The following BTLA variants were observed in gnomAD, a reference collection of about 807,000 sequenced individuals.
The protein encoded by BTLA is B and T lymphocyte associated, also known as B- and T-lymphocyte attenuator.
Under a neutral mutation model 25.0 loss-of-function variants are expected in BTLA, and 11 were observed. The observed-to-expected ratio is 0.44, with a 90% confidence interval of 0.28 to 0.73. BTLA has a LOEUF of 0.73. BTLA is among the 30% of genes least tolerant of loss of function. The pLI, the probability that BTLA is intolerant of heterozygous loss-of-function variation, is 0.15. For missense variants in BTLA, 282 were observed against 332.8 expected (o/e 0.85, Z 1.19); for synonymous variants, 104 against 119.8 (o/e 0.87, Z 0.86).
At chr3:112,478,359 T>TACA (rs766430075) in intron 2 of BTLA, among the ~76,000 whole-genome samples, 4 of 152,286 alleles carry the variant, frequency 2.6e-5, no homozygotes, top group Non-Finnish European at 4.4e-5. Flanking sequence ...GTTAAATTTG[T>TACA]ACTTAAATAT....
Position 112,466,398 on chromosome 3 carries a change from A to C in BTLA, c.595-15T>G, listed in dbSNP as rs1306918304. The stretch of plus-strand genomic sequence containing the variant: ...TGAGCATCAACCTACAATAGAAAAA[A>C]AGATGGTTTTAAGTGACACTTACGG... On this transcript the variant is annotated splice_polypyrimidine_tract_variant and intron_variant, in intron 4 of 4. Coordinates refer to ENST00000334529, the MANE Select transcript of BTLA (RefSeq NM_181780.4). 6.5e-7 allele frequency: 1 copy of C among 1,549,368 alleles called. No individual in the cohort carries two copies.
At chr3:112,487,933 A>G (rs1252435256) in intron 1 of BTLA, among the ~76,000 whole-genome samples, 2 of 152,154 alleles carry the variant, frequency 1.3e-5, no homozygotes, top group Non-Finnish European at 2.9e-5. Context: ...TCCTCTCATT[A>G]TCACAGTATA....
At chr3:112,469,530 G>A (rs1282154779) in intron 4 of BTLA, among the ~76,000 whole-genome samples, 1 of 150,196 alleles carries the variant, frequency 6.7e-6, no homozygotes, top group Non-Finnish European at 1.5e-5. Context: ...CACTTATTAC[G>A]AGACTTGTTA....
chr3:112,464,237 A>G lies in BTLA; in HGVS notation c.*1871T>C. Reference sequence around the variant, plus strand: ...ATTAATACATCTTAGAGATGAAATCATTATCAGCATTATCTTTACTATAAG... The same window carrying G: ...ATTAATACATCTTAGAGATGAAATCGTTATCAGCATTATCTTTACTATAAG... On this transcript the variant is annotated 3_prime_UTR_variant, in exon 5 of 5. Transcript: ENST00000334529. The G allele has an allele frequency of 2.5e-6, 1 of 397,566 alleles. No individual in the cohort carries two copies. Among genetic ancestry groups the G allele is most frequent in the Non-Finnish European group, 4.4e-6 (1 of 225,380 alleles). 24.6% of individuals were successfully genotyped at this position (397,566 alleles called of 1,614,324 possible). A position where few individuals can be genotyped will look rare whatever the true frequency, so the allele number is the denominator to read the frequency against.
intron 1 of BTLA, among the ~76,000 whole-genome samples, chr3:112,488,432 C>T (rs2082361558): frequency 6.6e-6 from 1 of 152,094 alleles, no homozygotes. Flanking sequence ...CCCGGTTAAC[C>T]AGGATGGTCT....
intron 1 of BTLA, among the ~76,000 whole-genome samples, chr3:112,495,753 T>C (rs759363783): frequency 3.0e-4 from 45 of 152,196 alleles, no homozygotes; most frequent in Non-Finnish European, 5.6e-4. Flanking sequence ...GATACTGTGC[T>C]ACAAAACCTG....
chr3:112,477,228 G>A (rs6438079), intron 2 of BTLA, among the ~76,000 whole-genome samples: 116,226 of 152,098 alleles, frequency 0.76, 49,730 homozygotes, highest in Non-Finnish European at 0.96. Flanking sequence ...GTGACAAGTA[G>A]GTTTTATCTT....
intron 2 of BTLA, among the ~76,000 whole-genome samples, chr3:112,473,390 TTGTC>T (rs1485572963): frequency 2.0e-5 from 3 of 152,014 alleles, no homozygotes; most frequent in African/African-American, 7.2e-5. Context: ...AACGCAATCT[TTGTC>T]TGTCTGCTTT....
chr3:112,493,745 G>A (rs181401459), intron 1 of BTLA, among the ~76,000 whole-genome samples: 53 of 152,210 alleles, frequency 3.5e-4, no homozygotes, highest in South Asian at 1.7e-3. Flanking sequence ...CAAATGACCC[G>A]CCCTCCTCAG....
chr3:112,494,650 A>G (rs1393456601), intron 1 of BTLA, among the ~76,000 whole-genome samples: 2 of 152,228 alleles, frequency 1.3e-5, no homozygotes, highest in Non-Finnish European at 2.9e-5. Context: ...AAACTAACAC[A>G]GGAACAGAAA....
At chr3:112,469,841 G>A in intron 3 of BTLA, 37 bp from the exon 4 acceptor site, 1 of 1,561,228 alleles carries the variant, frequency 6.4e-7, no homozygotes. Flanking sequence ...ATCAAAAGGA[G>A]TAAAGAAAGC....
At chr3:112,469,631 A>ACATAGAATATGTATATTC (rs11267594) in intron 4 of BTLA, 127 bp downstream of exon 4, 1 of 159,646 alleles carries the variant, frequency 6.3e-6, no homozygotes. Flanking sequence ...ATATATATAT[A>ACATAGAATATGTATATTC]TATATATATA....
chr3:112,482,236 T>C lies in BTLA; in HGVS notation c.89-2467A>G, dbSNP rs553126790. Among the ~76,000 whole-genome samples, 7 of 152,356 alleles carry C rather than the reference T, an allele frequency of 4.6e-5. No homozygotes were observed. The South Asian group carries it at 1.4e-3, about 32-fold the overall frequency. On this transcript the variant is annotated intron_variant, in intron 1 of 4. Transcript: ENST00000334529. ...GTCTCTCTTAGCAATGTCTAGTTCA[T>C]CTCCTTCATTTATTTATTTCACTCA...
intron 1 of BTLA, among the ~76,000 whole-genome samples, chr3:112,485,224 T>C (rs879564250): frequency 5.3e-5 from 8 of 151,950 alleles, no homozygotes; most frequent in African/African-American, 1.5e-4. Context: ...TTTGTATTTT[T>C]AGTAGGGACG....
At chr3:112,484,439 G>A (rs2082335435) in intron 1 of BTLA, among the ~76,000 whole-genome samples, 1 of 152,104 alleles carries the variant, frequency 6.6e-6, no homozygotes, top group Admixed American at 6.5e-5. Flanking sequence ...CAGTTTTGCT[G>A]GTCCTCAGTT....
intron 2 of BTLA, among the ~76,000 whole-genome samples, chr3:112,475,836 A>G (rs1410603882): frequency 6.6e-6 from 1 of 152,056 alleles, no homozygotes; most frequent in Non-Finnish European, 1.5e-5. Flanking sequence ...ATTCAATAGT[A>G]TATATCATTC....
In BTLA at chr3:112,479,604, C is replaced by T; in HGVS notation, c.254G>A (p.Arg85Lys). 6.2e-7 allele frequency: 1 copy of T among 1,614,114 alleles called. No individual in the cohort carries two copies. Among genetic ancestry groups the T allele is most frequent in the Non-Finnish European group, 8.5e-7 (1 of 1,179,974 alleles). ...CTTCTCTTCCTTCCAACTTGTTTGT[C>T]TATCTTCAAGTTTTACACATGTTGT... The part of the protein sequence containing the change: ...NGTTCVKLED[R>K]QTSWKEEKNI... The change falls in exon 2 of 5, where the codon AGA becomes AAA. Residue 85 changes from arginine (R) to lysine (K), a missense_variant. Around this residue, in one of 2 missense-constraint regions of BTLA, gnomAD observed 163 missense variants for 230.4 expected, o/e 0.71. Coordinates refer to ENST00000334529, the MANE Select transcript of BTLA (RefSeq NM_181780.4).
intron 1 of BTLA, among the ~76,000 whole-genome samples, chr3:112,489,887 G>T (rs2082370557): frequency 6.6e-6 from 1 of 152,118 alleles, no homozygotes; most frequent in South Asian, 2.1e-4. Context: ...ACCAGGGAAG[G>T]GAAATAATCT....
chr3:112,467,876 T>C (rs573879400), intron 4 of BTLA, among the ~76,000 whole-genome samples: 1 of 152,202 alleles, frequency 6.6e-6, no homozygotes, highest in Admixed American at 6.5e-5. Flanking sequence ...TCAACAAAGA[T>C]CCTGTGATAC....
Sources: gnomAD v4.1 joint callset for allele counts (sites outside exome capture counted in the v4.1 genomes callset) on GRCh38, gnomAD v4.1.1 for gene constraint, gnomAD v4.1.1 regional missense constraint, MANE v1.5 for transcripts, NCBI Gene and HGNC (gene_info 2026-07-23, HGNC 2026-07-21) for gene names.